RERE: variants seen among roughly 807,000 people sequenced by gnomAD.
The protein encoded by RERE is arginine-glutamic acid dipeptide repeats.
RERE carries 40 observed loss-of-function variants against 146.1 expected under a neutral mutation model. The observed-to-expected ratio is 0.27, with a 90% CI of 0.21 to 0.36. The LOEUF is 0.36. Ranked by LOEUF, RERE falls within the 10% of genes least tolerant of loss-of-function variation. RERE has a pLI of 1.00. For synonymous variants in RERE, 1,003 were observed against 866.0 expected, an observed-to-expected ratio of 1.16 and a Z score of -2.78; for missense variants, 1,933 against 2,138.7, an observed-to-expected ratio of 0.90 and a Z score of 1.90.
chr1:8,425,881 A>T (rs1644004176), intron 11 of RERE: 1 of 152,190 alleles, frequency 6.6e-6, no homozygotes. Context: ...GGAGCCTCAT[A>T]TATATTAATT....
At chr1:8,648,277 G>A (rs1647423705) in intron 2 of RERE, among the ~76,000 whole-genome samples, 1 of 152,122 alleles carries the variant, frequency 6.6e-6, no homozygotes, top group South Asian at 2.1e-4. Flanking sequence ...TGTAACCCAG[G>A]CTGCAGTGCA....
chr1:8,353,437 C>T lies in RERE; in HGVS notation c.*1650G>A, dbSNP rs888982527. 1.3e-5 allele frequency: 2 copies of T among 152,234 alleles called. No homozygotes were observed. The highest frequency in any genetic ancestry group is 4.8e-5 in the African/African-American group (2 of 41,434). The allele number at this position is 152,234 out of a possible 1,614,324, so 9.4% of individuals were successfully genotyped here. A position where few individuals can be genotyped will look rare whatever the true frequency, so the allele number is the denominator to read the frequency against. ...CTGGATGGACTTTGTGTCCGCCGAC[C>T]CAGTGTGGTCTCTGTCCTACAATTC... On this transcript the variant is annotated 3_prime_UTR_variant, in exon 23 of 23. Transcript: ENST00000400908.
intron 12 of RERE, among the ~76,000 whole-genome samples, chr1:8,414,912 A>C (rs950614601): frequency 6.6e-6 from 1 of 152,074 alleles, no homozygotes; most frequent in Non-Finnish European, 1.5e-5. Flanking sequence ...TGGGACTGAG[A>C]CTGAGGTTAA....
intron 10 of RERE, among the ~76,000 whole-genome samples, chr1:8,474,600 A>G (rs1286183227): frequency 6.6e-6 from 1 of 152,158 alleles, no homozygotes; most frequent in African/African-American, 2.4e-5. Context: ...TCCTTTTGGC[A>G]TGGCTCAGCT....
At chr1:8,576,059 G>A (rs1480674077) in intron 4 of RERE, among the ~76,000 whole-genome samples, 1 of 152,120 alleles carries the variant, frequency 6.6e-6, no homozygotes, top group African/African-American at 2.4e-5. Flanking sequence ...CAGGGTCTGA[G>A]GATTAGACAG....
In RERE at chr1:8,364,786, C is replaced by G. The variant is rs754594118; in HGVS notation, c.1500G>C (p.Gln500His). Reference sequence around the variant, plus strand: ...GGCGGCAGGCGTACCCCTTCAGCTCCTGCTCACTGTCCTCACTGTCGAAGT... The same window carrying G: ...GGCGGCAGGCGTACCCCTTCAGCTCGTGCTCACTGTCCTCACTGTCGAAGT... ...EDDFDSEDSE[Q>H]ELKGYACRHC... The change falls in exon 14 of 23, where the codon CAG becomes CAC. Residue 500 changes from glutamine to histidine, a missense_variant. Around this residue, in one of 11 missense-constraint regions of RERE, gnomAD observed 260 missense variants for 378.4 expected, o/e 0.69. Coordinates refer to ENST00000400908, the MANE Select transcript of RERE (RefSeq NM_001042681.2). This position sits in a 1 kb window ranked among gnomAD's most constrained non-coding sequence, Gnocchi z 5.1. 7.4e-6 allele frequency: 12 copies of G among 1,613,956 alleles called. No homozygotes were observed. The highest frequency in any genetic ancestry group is 8.5e-6 in the Non-Finnish European group (10 of 1,180,024).
intron 7 of RERE, among the ~76,000 whole-genome samples, chr1:8,519,350 T>A (rs949975945): frequency 6.6e-6 from 1 of 152,104 alleles, no homozygotes; most frequent in African/African-American, 2.4e-5. Context: ...GAGGATCACT[T>A]GAGCCCAGGA....
intron 1 of RERE, among the ~76,000 whole-genome samples, chr1:8,783,344 A>T (rs1276069894): frequency 1.3e-5 from 2 of 152,176 alleles, no homozygotes; most frequent in African/African-American, 4.8e-5. Context: ...AAAAAAATTT[A>T]AAAACTCATC....
In RERE at chr1:8,520,753, TTA is replaced by T. The variant is rs1491296266; in HGVS notation, c.831-12080_831-12079del. Among the ~76,000 whole-genome samples, 243 of 78,170 alleles carry T rather than the reference TTA, an allele frequency of 3.1e-3. 2 individuals carry two copies. Among genetic ancestry groups the T allele is most frequent in the African/African-American group, 9.8e-3 (231 of 23,482 alleles). 51.3% of individuals were successfully genotyped at this position (78,170 alleles called of 152,430 possible). On this transcript the variant is annotated intron_variant, in intron 7 of 22. Transcript: ENST00000400908. ...CATGGAGATTCAGCCAAAAAACTTT[TTA>T]AAAAAAAAAAAAAAAAAAAAACCAC...
chr1:8,444,835 G>A (rs903350934), intron 11 of RERE, among the ~76,000 whole-genome samples: 10 of 151,744 alleles, frequency 6.6e-5, no homozygotes, highest in African/African-American at 1.9e-4. Context: ...AGCTCCCTGA[G>A]GCCTCCCCAG....
chr1:8,647,530 CAAG>C (rs1474139263), intron 2 of RERE, among the ~76,000 whole-genome samples: 1 of 152,138 alleles, frequency 6.6e-6, no homozygotes, highest in African/African-American at 2.4e-5. Context: ...ATGAATGTTT[CAAG>C]AAGACACCTT....
At chr1:8,410,476 T>C (rs1643583037) in intron 12 of RERE, among the ~76,000 whole-genome samples, 2 of 152,052 alleles carry the variant, frequency 1.3e-5, no homozygotes, top group South Asian at 4.1e-4. Context: ...CAGAACAATG[T>C]ATGGAAGGTG....
At chr1:8,488,893 T>C (rs940813631) in intron 10 of RERE, among the ~76,000 whole-genome samples, 7 of 152,148 alleles carry the variant, frequency 4.6e-5, no homozygotes, top group African/African-American at 7.2e-5. Context: ...GCATCACAAT[T>C]CAAAATGAAT....
intron 1 of RERE, among the ~76,000 whole-genome samples, chr1:8,801,580 G>A (rs1030424578): frequency 2.0e-5 from 3 of 152,030 alleles, no homozygotes; most frequent in Admixed American, 1.3e-4. Context: ...AAAAAAAAAT[G>A]TTCTTAATGA....
intron 11 of RERE, among the ~76,000 whole-genome samples, chr1:8,444,630 G>A (rs1446747769): frequency 6.6e-6 from 1 of 152,172 alleles, no homozygotes; most frequent in African/African-American, 2.4e-5. Flanking sequence ...GATGGGGCCT[G>A]GTGGAAGGTT....
chr1:8,791,483 CA>C (rs1641362638), intron 1 of RERE, among the ~76,000 whole-genome samples: 2 of 152,250 alleles, frequency 1.3e-5, no homozygotes, highest in African/African-American at 4.8e-5. Context: ...AAAATTCTGC[CA>C]AATGAATGGG....
Position 8,360,499 on chromosome 1 carries a change from T to G in RERE, c.3008A>C (p.Gln1003Pro), listed in dbSNP as rs1687175. The G allele has an allele frequency of 8.6e-7, 1 of 1,163,042 alleles. No homozygotes were observed. The highest frequency in any genetic ancestry group is 1.1e-6 in the Non-Finnish European group (1 of 913,136). 72.0% of individuals were successfully genotyped at this position (1,163,042 alleles called of 1,614,324 possible). A position where few individuals can be genotyped will look rare whatever the true frequency, so the allele number is the denominator to read the frequency against. The change falls in exon 18 of 23, where the codon CAG (glutamine) becomes CCG (proline). Residue 1003 changes from glutamine (Q) to proline (P), a missense_variant. This residue lies in a region of RERE where 1,255 missense variants were observed against 1,153.8 expected (regional missense o/e 1.09). Coordinates refer to ENST00000400908, the MANE Select transcript of RERE (RefSeq NM_001042681.2). ...CTGGCTCTGGGTCAGCCCGGGGGGC[T>G]GGGCGGGCGAGGAGGGCAATGGCTG... is the stretch of plus-strand genomic sequence containing the variant. ...QSQPLPSSPA[Q>P]PPGLTQSQNL...
chr1:8,677,273 T>C (rs1029616290), intron 1 of RERE, among the ~76,000 whole-genome samples: 5 of 151,594 alleles, frequency 3.3e-5, no homozygotes, highest in African/African-American at 9.7e-5. Context: ...CTATTAAAAA[T>C]ACAAAATTAG....
chr1:8,443,425 C>T (rs1382745587), intron 11 of RERE, among the ~76,000 whole-genome samples: 1 of 142,528 alleles, frequency 7.0e-6, no homozygotes, highest in Non-Finnish European at 1.5e-5. Flanking sequence ...TGCACTCTAG[C>T]CTGAGTGACA....
Sources: gnomAD v4.1 joint callset for allele counts (sites outside exome capture counted in the v4.1 genomes callset) on GRCh38, gnomAD v4.1.1 for gene constraint, gnomAD v4.1.1 regional missense constraint, Gnocchi (gnomAD v3.1) non-coding constraint, MANE v1.5 for transcripts, NCBI Gene and HGNC (gene_info 2026-07-23, HGNC 2026-07-21) for gene names.